The following AUTS2 variants were observed in gnomAD, a reference collection of about 807,000 sequenced individuals.
AUTS2 encodes the protein autism susceptibility gene 2 protein.
In AUTS2, 17 loss-of-function variants were observed where a neutral mutation model predicts 112.4. That is an observed-to-expected ratio of 0.15 (90% CI 0.10 to 0.23). The LOEUF (loss-of-function observed/expected upper bound fraction) is 0.23, where lower values mean the gene tolerates loss of function less well. Ranked by LOEUF, AUTS2 falls within the 10% of genes least tolerant of loss-of-function variation. AUTS2 has a pLI of 1.00. For missense variants in AUTS2, 1,510 were observed against 1,701.6 expected, an observed-to-expected ratio of 0.89 and a Z score of 1.98; for synonymous variants, 751 against 702.7, an observed-to-expected ratio of 1.07 and a Z score of -1.09.
At chr7:70,580,824 G>C (rs1468970011) in intron 5 of AUTS2, among the ~76,000 whole-genome samples, 1 of 152,208 alleles carries the variant, frequency 6.6e-6, no homozygotes, top group Non-Finnish European at 1.5e-5. Flanking sequence ...AGGATTTGCA[G>C]AGGAACTTTA....
chr7:69,955,300 C>T (rs1220038053), intron 2 of AUTS2, among the ~76,000 whole-genome samples: 3 of 152,150 alleles, frequency 2.0e-5, no homozygotes, highest in Non-Finnish European at 4.4e-5. Context: ...GGTCAGGATG[C>T]ATAAACCTCT....
chr7:70,680,131 G>C (rs531854115), intron 5 of AUTS2, among the ~76,000 whole-genome samples: 52 of 152,300 alleles, frequency 3.4e-4, no homozygotes, highest in South Asian at 2.1e-3. Context: ...GGTGGAAGCA[G>C]AAGAGGTACA....
chr7:69,608,743 AGGTCCT>A (rs1792868328), intron 1 of AUTS2, among the ~76,000 whole-genome samples: 1 of 152,234 alleles, frequency 6.6e-6, no homozygotes. Context: ...AAGAGAATGA[AGGTCCT>A]GGACCGTGCT....
intron 4 of AUTS2, among the ~76,000 whole-genome samples, chr7:70,134,888 A>G (rs752611837): frequency 1.2e-4 from 18 of 152,146 alleles, no homozygotes; most frequent in Non-Finnish European, 2.5e-4. Flanking sequence ...TTACTTTTTT[A>G]GTAAGAAGTG....
At chr7:69,987,752 G>A (rs1798573587) in intron 2 of AUTS2, among the ~76,000 whole-genome samples, 1 of 152,200 alleles carries the variant, frequency 6.6e-6, no homozygotes, top group Admixed American at 6.5e-5. Context: ...TTACAGGGAT[G>A]AGCCACCATG....
At chr7:69,703,989 C>T (rs970652608) in intron 1 of AUTS2, among the ~76,000 whole-genome samples, 7 of 152,300 alleles carry the variant, frequency 4.6e-5, no homozygotes, top group Non-Finnish European at 8.8e-5. Context: ...GAGGTCACAA[C>T]GTCCTGGCTG....
At position 70,433,668 on chromosome 7, in the gene AUTS2, C is replaced by T. The variant is rs543990266; in HGVS notation, c.661-2084C>T. ...GGAAGCTGGGTTGGAAATGATGCAC[C>T]GTACTTGGTTAAATCGCTGTCACTG... is the stretch of plus-strand genomic sequence containing the variant. On this transcript the variant is annotated intron_variant, in intron 4 of 18. Coordinates refer to ENST00000342771, the MANE Select transcript of AUTS2 (RefSeq NM_015570.4). Among the ~76,000 whole-genome samples the T allele has an allele frequency of 1.5e-4, 23 of 152,274 alleles. No homozygotes were observed. In the South Asian group the frequency reaches 4.4e-3, roughly 29 times the overall value.
chr7:70,353,387 C>T (rs190813612), intron 4 of AUTS2, among the ~76,000 whole-genome samples: 1 of 152,072 alleles, frequency 6.6e-6, no homozygotes, highest in Middle Eastern at 3.4e-3. Flanking sequence ...ATGGTTGTGT[C>T]CCTTAACCAC....
chr7:70,649,202 T>TAGA (rs1323127950), intron 5 of AUTS2, among the ~76,000 whole-genome samples: 2 of 148,416 alleles, frequency 1.3e-5, no homozygotes, highest in African/African-American at 5.0e-5. Flanking sequence ...ACCTTTAGAT[T>TAGA]AGAAGTTTGA....
intron 4 of AUTS2, among the ~76,000 whole-genome samples, chr7:70,317,633 C>T (rs1167003925): frequency 6.6e-6 from 1 of 152,186 alleles, no homozygotes; most frequent in East Asian, 1.9e-4. Context: ...TGTTTATCAA[C>T]TGCTTTCCAA....
intron 18 of AUTS2, among the ~76,000 whole-genome samples, chr7:70,789,517 CT>C (rs1791734766): frequency 1.3e-5 from 2 of 152,084 alleles, no homozygotes; most frequent in Admixed American, 1.3e-4. Context: ...CAGACTCCCC[CT>C]CACCCTCATC....
chr7:69,896,786 TC>T (rs1414692423), intron 1 of AUTS2, among the ~76,000 whole-genome samples: 1 of 152,224 alleles, frequency 6.6e-6, no homozygotes, highest in Admixed American at 6.5e-5. Flanking sequence ...TCTTTCACAT[TC>T]TTTCAAGAGA....
intron 3 of AUTS2, among the ~76,000 whole-genome samples, chr7:70,124,434 C>T (rs1805851011): frequency 6.6e-6 from 1 of 152,136 alleles, no homozygotes; most frequent in Non-Finnish European, 1.5e-5. Context: ...TTTGCCCTTT[C>T]CTATGTGCAG....
At chr7:70,212,373 G>GT (rs1487624152) in intron 4 of AUTS2, among the ~76,000 whole-genome samples, 169 of 152,244 alleles carry the variant, frequency 1.1e-3, no homozygotes, top group African/African-American at 4.0e-3. Context: ...CTCATAGTTG[G>GT]GACTCATCCC....
At chr7:70,698,696 G>A in intron 6 of AUTS2, 76 bp downstream of exon 6, 1 of 1,104,746 alleles carries the variant, frequency 9.1e-7, no homozygotes. Flanking sequence ...GAAGAAAGAA[G>A]AGCTAGAGTG....
chr7:69,953,394 C>T (rs1797100520), intron 2 of AUTS2, among the ~76,000 whole-genome samples: 1 of 152,062 alleles, frequency 6.6e-6, no homozygotes, highest in South Asian at 2.1e-4. Flanking sequence ...TCCTTCTATT[C>T]TCAGCAACAA....
At chr7:70,270,230 T>C (rs1040401891) in intron 4 of AUTS2, among the ~76,000 whole-genome samples, 2 of 152,206 alleles carry the variant, frequency 1.3e-5, no homozygotes, top group Non-Finnish European at 2.9e-5. Flanking sequence ...ACTGGGTTGA[T>C]GCCAAGGAAA....
At chr7:70,028,285 C>G (rs942700689) in intron 2 of AUTS2, among the ~76,000 whole-genome samples, 17 of 152,202 alleles carry the variant, frequency 1.1e-4, no homozygotes, top group Non-Finnish European at 2.2e-4. Context: ...TGCATTCTAT[C>G]TTTTATCCCT....
chr7:70,563,894 C>T (rs1483203722), intron 5 of AUTS2, among the ~76,000 whole-genome samples: 1 of 152,116 alleles, frequency 6.6e-6, no homozygotes, highest in African/African-American at 2.4e-5. Context: ...TTTAACTACC[C>T]TGTGATATAG....
Sources: allele counts gnomAD v4.1 joint callset (sites outside exome capture counted in the v4.1 genomes callset), GRCh38; gene constraint gnomAD v4.1.1; transcripts MANE v1.5; gene names NCBI Gene and HGNC (gene_info 2026-07-23, HGNC 2026-07-21).